The following TMEM67 variants were observed in gnomAD, a reference collection of about 807,000 sequenced individuals.
TMEM67 encodes meckelin.
In TMEM67, 124 loss-of-function variants were observed where a neutral mutation model predicts 136.6. The observed-to-expected ratio is 0.91, with a 90% CI of 0.78 to 1.05. The LOEUF (loss-of-function observed/expected upper bound fraction) is 1.05, where lower values mean the gene tolerates loss of function less well. TMEM67 is among the 50% of genes least tolerant of loss of function. The probability of loss-of-function intolerance (pLI) is 0.00; values close to 1 mark genes in which losing one functional copy is unlikely to be tolerated. For missense variants in TMEM67, 1,107 were observed against 1,178.4 expected, an observed-to-expected ratio of 0.94 and a Z score of 0.89; for synonymous variants, 364 against 390.5, an observed-to-expected ratio of 0.93 and a Z score of 0.80.
Position 93,786,335 on chromosome 8 carries a change from A to G in TMEM67, c.1401A>G (p.Gln467=), listed in dbSNP as rs747752903. 28 of 1,613,854 alleles carry G rather than the reference A, an allele frequency of 1.7e-5. No individual in the cohort carries two copies. Among genetic ancestry groups the G allele is most frequent in the Middle Eastern group, 3.3e-4 (2 of 6,084 alleles). The change falls in exon 13 of 28, where the codon CAA becomes CAG. Residue 467 remains glutamine, a synonymous_variant. Coordinates refer to ENST00000453321, the MANE Select transcript of TMEM67 (RefSeq NM_153704.6). ...CAAGAGTAATTCGAGTTGCTACTCAAATATCACTGAGGTAAACAAATGTCT... is the reference window on the plus strand; with the variant it reads ...CAAGAGTAATTCGAGTTGCTACTCAGATATCACTGAGGTAAACAAATGTCT... ...TQPRVIRVAT[Q]ISLSVHLVPN...
chr8:93,801,488 G>A (rs548568550), intron 21 of TMEM67, among the ~76,000 whole-genome samples: 230 of 150,436 alleles, frequency 1.5e-3, no homozygotes, highest in Non-Finnish European at 2.5e-3. Flanking sequence ...TGTAACCTTC[G>A]CTTCCCAGGT....
chr8:93,795,628 A>C, intron 17 of TMEM67, 121 bp downstream of exon 17: 1 of 840,488 alleles, frequency 1.2e-6, no homozygotes, highest in Non-Finnish European at 2.0e-6. Flanking sequence ...AAAAGTTCCC[A>C]ACTCCCCATT....
intron 6 of TMEM67, chr8:93,769,546 G>C (rs913902569): frequency 1.2e-5 from 2 of 167,104 alleles, no homozygotes; most frequent in African/African-American, 4.8e-5. Flanking sequence ...GGACAGATTT[G>C]GAATTCCTGA....
chr8:93,811,005 A>T (rs1265990765), intron 26 of TMEM67, among the ~76,000 whole-genome samples: 3 of 152,230 alleles, frequency 2.0e-5, no homozygotes, highest in African/African-American at 7.2e-5. Context: ...GAAGTGGTAT[A>T]ACCAGTGCCC....
chr8:93,777,394 C>G (rs536388848), intron 7 of TMEM67, among the ~76,000 whole-genome samples: 1 of 152,238 alleles, frequency 6.6e-6, no homozygotes, highest in East Asian at 1.9e-4. Context: ...CTTCTGCTCT[C>G]TTTTGAATTT....
intron 3 of TMEM67, chr8:93,760,135 G>A: frequency 1.9e-6 from 1 of 515,622 alleles, no homozygotes; most frequent in Non-Finnish European, 2.9e-6. Context: ...ATTCTATCAG[G>A]ATATTATTTG....
At position 93,785,288 on chromosome 8, in the gene TMEM67, G is replaced by A; in HGVS notation, c.1198G>A (p.Glu400Lys). Residue 400 changes from glutamate to lysine, a missense_variant, in exon 12 of 28, where the codon GAA (glutamate) becomes AAA (lysine). Physicochemically the swap from Glu to Lys is moderately conservative, Grantham distance 56 (BLOSUM62 1). This residue lies in a region of TMEM67 where 925 missense variants were observed against 1,002.4 expected (regional missense o/e 0.92). Transcript: ENST00000453321. Reference protein sequence around the residue: ...PTPIFYDVYLEYTDENQHQYI... With the variant: ...PTPIFYDVYLKYTDENQHQYI... ...TCCTATATTTTATGATGTGTACCTT[G>A]AATATACTGATGAAAATCAACATCA... 6.2e-7 allele frequency: 1 copy of A among 1,602,370 alleles called. No homozygotes were observed. The highest frequency in any genetic ancestry group is 8.5e-7 in the Non-Finnish European group (1 of 1,169,976).
chr8:93,774,243 G>T (rs1301138107), intron 7 of TMEM67, among the ~76,000 whole-genome samples: 2 of 152,174 alleles, frequency 1.3e-5, no homozygotes, highest in East Asian at 3.8e-4. Flanking sequence ...TCAAACTCCT[G>T]ACCTCAAGTG....
chr8:93,806,794 T>C (rs1815168407), intron 23 of TMEM67, among the ~76,000 whole-genome samples: 2 of 152,044 alleles, frequency 1.3e-5, no homozygotes, highest in Admixed American at 1.3e-4. Flanking sequence ...GAAAAGAATA[T>C]TTCAGACTGG....
In TMEM67 at chr8:93,808,942, G is replaced by T. The variant is rs386834195; in HGVS notation, c.2542G>T (p.Glu848Ter). 2 of 1,601,454 alleles carry T rather than the reference G, an allele frequency of 1.2e-6. No individual in the cohort carries two copies. Among genetic ancestry groups the T allele is most frequent in the Non-Finnish European group, 1.7e-6 (2 of 1,168,744 alleles). ...GAGACAACATTATGACAGAATTCATGAGACACTAATAAGGGTTTGTATAAA... is the reference window on the plus strand; with the variant it reads ...GAGACAACATTATGACAGAATTCATTAGACACTAATAAGGGTTTGTATAAA... ...QMRQHYDRIH[E>*]TLIRKNGPAR... is the part of the protein sequence containing the mutation. The change falls in exon 24 of 28, where the codon GAG becomes TAG. Residue 848 changes from glutamate to a stop codon, truncating the protein, a stop_gained. Transcript: ENST00000453321. LOFTEE classifies it high-confidence loss of function.
chr8:93,824,618 A>G, the TMEM67 span, among the ~76,000 whole-genome samples: 4 of 152,046 alleles, frequency 2.6e-5, no homozygotes, highest in Non-Finnish European at 5.9e-5. Context: ...AAGACTTTGA[A>G]TTCTGACAGG....
intron 11 of TMEM67, among the ~76,000 whole-genome samples, chr8:93,783,370 C>G (rs1813937716): frequency 6.6e-6 from 1 of 152,132 alleles, no homozygotes; most frequent in African/African-American, 2.4e-5. Context: ...AAAAGTAATG[C>G]TTACTTCTGA....
At chr8:93,826,015 C>T in the TMEM67 span, among the ~76,000 whole-genome samples, 5 of 151,900 alleles carry the variant, frequency 3.3e-5, no homozygotes, top group Admixed American at 6.6e-5. Flanking sequence ...GCAGAATAAC[C>T]GGATCATAAT....
intron 4 of TMEM67, 103 bp downstream of exon 4, chr8:93,764,044 A>G (rs2130577626): frequency 5.0e-6 from 4 of 806,732 alleles, no homozygotes; most frequent in South Asian, 1.4e-5. Context: ...AGTTTTCACA[A>G]TAACCCAAGG....
chr8:93,758,662 A>G (rs1812688555), intron 3 of TMEM67, 86 bp downstream of exon 3: 7 of 1,125,556 alleles, frequency 6.2e-6, no homozygotes, highest in Non-Finnish European at 9.4e-6. Flanking sequence ...TAATTTAAAT[A>G]GTTAAGTGAT....
In TMEM67 at chr8:93,791,279, CAT is replaced by C. The variant is rs386834186; in HGVS notation, c.1538_1539del (p.Tyr513Ter). ...AAATATCAGGTTTCTTTCTCAGTCA[CAT>C]ATGAAATGGATCATGGAGAAGCACA... On this transcript the variant is annotated frameshift_variant, in exon 15 of 28. Transcript: ENST00000453321. LOFTEE classifies it high-confidence loss of function. 2 of 1,606,510 alleles carry C rather than the reference CAT, an allele frequency of 1.2e-6. No homozygotes were observed. Among genetic ancestry groups the C allele is most frequent in the East Asian group, 2.2e-5 (1 of 44,700 alleles).
intron 12 of TMEM67, chr8:93,785,656 A>G (rs1814062825): frequency 6.2e-6 from 2 of 322,676 alleles, no homozygotes; most frequent in Non-Finnish European, 1.1e-5. Context: ...TTTTTCGTCA[A>G]GCTGTCCCGA....
At chr8:93,830,445 G>A in the TMEM67 span, among the ~76,000 whole-genome samples, 1 of 152,160 alleles carries the variant, frequency 6.6e-6, no homozygotes, top group African/African-American at 2.4e-5. Flanking sequence ...AGAACTTCTG[G>A]AGGCCCTGAC....
intron 16 of TMEM67, among the ~76,000 whole-genome samples, chr8:93,794,603 G>T (rs1439186726): frequency 6.6e-6 from 1 of 152,210 alleles, no homozygotes; most frequent in Admixed American, 6.5e-5. Flanking sequence ...TTTAACCAAA[G>T]TATCTTTCTG....
Sources: allele counts gnomAD v4.1 joint callset (sites outside exome capture counted in the v4.1 genomes callset), GRCh38; gene constraint gnomAD v4.1.1; regional missense constraint gnomAD v4.1.1; transcripts MANE v1.5; gene names NCBI Gene and HGNC (gene_info 2026-07-23, HGNC 2026-07-21).